Variants in SRRM4 observed in about 807,000 individuals in gnomAD.
The protein encoded by SRRM4 is serine/arginine repetitive matrix protein 4.
In SRRM4, 33 loss-of-function variants were observed where a neutral mutation model predicts 68.9. That is an observed-to-expected ratio of 0.48 (90% confidence interval 0.36 to 0.64). The LOEUF (loss-of-function observed/expected upper bound fraction) is 0.64. Ranked by LOEUF, SRRM4 falls within the 30% of genes least tolerant of loss-of-function variation. The pLI is 0.00. For synonymous variants in SRRM4, 318 were observed against 318.8 expected, an observed-to-expected ratio of 1.00 and a Z score of 0.03; for missense variants, 817 against 827.1, an observed-to-expected ratio of 0.99 and a Z score of 0.15.
intron 1 of SRRM4, among the ~76,000 whole-genome samples, chr12:119,100,615 ACAC>A (rs1464760537): frequency 6.6e-6 from 1 of 152,172 alleles, no homozygotes; most frequent in Non-Finnish European, 1.5e-5. Flanking sequence ...CTGTGTCTCC[ACAC>A]CTGAAACTGA....
chr12:119,054,504 C>T (rs1277902793), intron 1 of SRRM4, among the ~76,000 whole-genome samples: 1 of 152,178 alleles, frequency 6.6e-6, no homozygotes, highest in Non-Finnish European at 1.5e-5. Flanking sequence ...TTCCAGTGTG[C>T]ATGCACTTAA....
At position 119,102,350 on chromosome 12, in the gene SRRM4, C is replaced by T. The variant is rs761868587; in HGVS notation, c.246C>T (p.Thr82=). ...LGTNSWERDK[T]CRELGATRGH... ...CCAACAGTTGGGAGAGAGACAAGACCTGTCGGGAACTGGGTGCCACCAGAG... is the reference window on the plus strand; with the variant it reads ...CCAACAGTTGGGAGAGAGACAAGACTTGTCGGGAACTGGGTGCCACCAGAG... Residue 82 remains threonine, a synonymous_variant, in exon 2 of 13, where the codon ACC becomes ACT. Transcript: ENST00000267260. 2.5e-6 allele frequency: 4 copies of T among 1,613,086 alleles called. No individual in the cohort carries two copies. The highest frequency in any genetic ancestry group is 3.4e-6 in the Non-Finnish European group (4 of 1,179,556).
rs568641121 is a variant in SRRM4, at chr12:118,981,855, C to A, written c.-28C>A. On this transcript the variant is annotated 5_prime_UTR_variant, in exon 1 of 13. Coordinates refer to ENST00000267260, the MANE Select transcript of SRRM4 (RefSeq NM_194286.4). ...CGTTTCAGCACTTTGGACAGCGCCC[C>A]GGACGCCCCGGCCCCTTTGGGTTGG... 4.4e-6 allele frequency: 7 copies of A among 1,607,518 alleles called. No individual in the cohort carries two copies. The Admixed American group carries it at 6.7e-5, about 15-fold the overall frequency.
intron 1 of SRRM4, among the ~76,000 whole-genome samples, chr12:119,029,689 C>T (rs902513898): frequency 1.3e-5 from 2 of 152,158 alleles, no homozygotes; most frequent in African/African-American, 4.8e-5. Flanking sequence ...GAGTCACCAA[C>T]TCACTCTTCT....
intron 1 of SRRM4, among the ~76,000 whole-genome samples, chr12:119,058,301 G>A (rs1340554651): frequency 6.6e-6 from 1 of 152,074 alleles, no homozygotes; most frequent in African/African-American, 2.4e-5. Flanking sequence ...TTAACATGTG[G>A]TTAACAAATA....
chr12:119,113,542 A>G (rs975184114), intron 2 of SRRM4, among the ~76,000 whole-genome samples: 1 of 152,230 alleles, frequency 6.6e-6, no homozygotes, highest in Non-Finnish European at 1.5e-5. Context: ...TGAAATAATG[A>G]CAATATTAGT....
intron 1 of SRRM4, among the ~76,000 whole-genome samples, chr12:119,043,560 T>G (rs1953683411): frequency 6.7e-6 from 1 of 150,172 alleles, no homozygotes; most frequent in Non-Finnish European, 1.5e-5. Flanking sequence ...AAAATGAAAT[T>G]GAAAAATAAA....
At chr12:119,075,725 GTGGTGA>G (rs1953907165) in intron 1 of SRRM4, among the ~76,000 whole-genome samples, 1 of 147,702 alleles carries the variant, frequency 6.8e-6, no homozygotes, top group African/African-American at 2.5e-5. Flanking sequence ...GTTGATGATG[GTGGTGA>G]TGGTGATGAT....
chr12:118,999,645 C>T (rs536390886), intron 1 of SRRM4, among the ~76,000 whole-genome samples: 1 of 152,168 alleles, frequency 6.6e-6, no homozygotes, highest in East Asian at 1.9e-4. Flanking sequence ...CTAAGCATTT[C>T]GTTTACTGTA....
In SRRM4 at chr12:119,008,924, C is replaced by A. The variant is rs557363687; in HGVS notation, c.131+26911C>A. On this transcript the variant is annotated intron_variant, in intron 1 of 12. Transcript: ENST00000267260. Reference sequence around the variant, plus strand: ...GAGGAGGAGGCAGGGCCGACCGCCACCCGCCTGTCTGCCATCTGGTCCCCT... The same window carrying A: ...GAGGAGGAGGCAGGGCCGACCGCCAACCGCCTGTCTGCCATCTGGTCCCCT... Among the ~76,000 whole-genome samples, 5 of 152,120 alleles carry A rather than the reference C, an allele frequency of 3.3e-5. No homozygotes were observed. In the East Asian group the frequency reaches 9.8e-4, roughly 30 times the overall value.
At chr12:119,083,623 A>G (rs1953962694) in intron 1 of SRRM4, among the ~76,000 whole-genome samples, 1 of 152,112 alleles carries the variant, frequency 6.6e-6, no homozygotes, top group African/African-American at 2.4e-5. Flanking sequence ...CATGTCACAA[A>G]TAAATTACTT....
At chr12:119,112,563 T>C (rs1480292611) in intron 2 of SRRM4, among the ~76,000 whole-genome samples, 1 of 152,194 alleles carries the variant, frequency 6.6e-6, no homozygotes, top group African/African-American at 2.4e-5. Flanking sequence ...TGCCCATCAA[T>C]GATAGGCTGG....
chr12:119,026,674 G>A (rs1565892169), intron 1 of SRRM4, among the ~76,000 whole-genome samples: 1 of 151,932 alleles, frequency 6.6e-6, no homozygotes, highest in South Asian at 2.1e-4. Context: ...TCAGCCTCTC[G>A]AGTAGCTGGG....
intron 1 of SRRM4, among the ~76,000 whole-genome samples, chr12:119,030,302 G>A (rs940875603): frequency 6.6e-6 from 1 of 152,164 alleles, no homozygotes; most frequent in Non-Finnish European, 1.5e-5. Context: ...TTTCCGTAAG[G>A]CAAAGAAGTA....
At chr12:119,093,126 G>A (rs1248944585) in intron 1 of SRRM4, among the ~76,000 whole-genome samples, 1 of 152,134 alleles carries the variant, frequency 6.6e-6, no homozygotes, top group African/African-American at 2.4e-5. Context: ...CAAGCCCCTC[G>A]CAGTAGTATT....
At chr12:119,030,314 T>A (rs1953580299) in intron 1 of SRRM4, among the ~76,000 whole-genome samples, 1 of 152,150 alleles carries the variant, frequency 6.6e-6, no homozygotes, top group South Asian at 2.1e-4. Context: ...AAAGAAGTAA[T>A]CCGGTAGAGC....
chr12:119,087,679 G>A (rs921442392), intron 1 of SRRM4, among the ~76,000 whole-genome samples: 3 of 152,162 alleles, frequency 2.0e-5, no homozygotes, highest in African/African-American at 7.2e-5. Flanking sequence ...CATAGGAGAG[G>A]AAATAGGGAG....
intron 2 of SRRM4, among the ~76,000 whole-genome samples, chr12:119,107,481 T>C (rs139810703): frequency 0.039 from 5,994 of 152,308 alleles, 135 homozygotes; most frequent in African/African-American, 0.056. Flanking sequence ...TTATTAATTA[T>C]TGCCTCAATT....
At chr12:119,044,066 C>T (rs1953688743) in intron 1 of SRRM4, among the ~76,000 whole-genome samples, 1 of 151,780 alleles carries the variant, frequency 6.6e-6, no homozygotes, top group African/African-American at 2.4e-5. Flanking sequence ...GGGGTTTCTC[C>T]ATGTTGGTCA....
Sources: allele counts gnomAD v4.1 joint callset (sites outside exome capture counted in the v4.1 genomes callset), GRCh38; gene constraint gnomAD v4.1.1; transcripts MANE v1.5; gene names NCBI Gene and HGNC (gene_info 2026-07-23, HGNC 2026-07-21).